Variants in PHF24 observed in about 807,000 individuals in gnomAD.
PHF24 encodes Galpha inhibitory interacting protein.
A neutral mutation model predicts 42.6 loss-of-function variants in PHF24; 25 were observed. That is an observed-to-expected ratio of 0.59 (90% CI 0.43 to 0.82). The LOEUF (loss-of-function observed/expected upper bound fraction) is 0.82. Among genes scored for constraint, PHF24 ranks in the 40% least tolerant of loss-of-function variants. PHF24 has a pLI of 0.00. For missense variants in PHF24, 470 were observed against 538.1 expected (o/e 0.87, Z 1.25); for synonymous variants, 185 against 204.8 (o/e 0.90, Z 0.83).
At chr9:34,785,311 T>C in the PHF24 span, among the ~76,000 whole-genome samples, 78,080 of 152,094 alleles carry the variant, frequency 0.51, 22,520 homozygotes, top group Non-Finnish European at 0.65. Context: ...CATTAATCCG[T>C]TCATGAGGGA....
chr9:34,850,176 G>T, the PHF24 span, among the ~76,000 whole-genome samples: 1 of 152,132 alleles, frequency 6.6e-6, no homozygotes, highest in East Asian at 1.9e-4. Flanking sequence ...AAGTTCTCCT[G>T]GATAATATCC....
chr9:34,951,953 G>A, the PHF24 span, among the ~76,000 whole-genome samples: 1 of 152,152 alleles, frequency 6.6e-6, no homozygotes, highest in Non-Finnish European at 1.5e-5. Context: ...CATATTTAAT[G>A]TTGAAAAACT....
At chr9:34,957,895 C>T (rs1263584136), upstream of PHF24, among the ~76,000 whole-genome samples, 9 of 152,074 alleles carry the variant, frequency 5.9e-5, no homozygotes, top group African/African-American at 1.4e-4. Flanking sequence ...GCGCCCCCTC[C>T]GGGCCGCCTC....
upstream of PHF24, among the ~76,000 whole-genome samples, chr9:34,952,936 TCAA>T: frequency 1.3e-5 from 2 of 152,342 alleles, no homozygotes; most frequent in South Asian, 2.1e-4. Context: ...ATCAGGAATT[TCAA>T]TCTATACCTC....
chr9:34,838,539 C>T, the PHF24 span: 16 of 1,248,480 alleles, frequency 1.3e-5, no homozygotes, highest in Admixed American at 3.1e-4. Context: ...TCTATCTCGG[C>T]ATTCAGGGTT....
the PHF24 span, among the ~76,000 whole-genome samples, chr9:34,783,404 T>C: frequency 6.6e-6 from 1 of 152,340 alleles, no homozygotes; most frequent in African/African-American, 2.4e-5. Context: ...TTAATTTCAA[T>C]TGTCTTCACA....
the PHF24 span, among the ~76,000 whole-genome samples, chr9:34,728,442 T>C: frequency 1.3e-5 from 2 of 152,212 alleles, no homozygotes; most frequent in Non-Finnish European, 2.9e-5. Flanking sequence ...TACAGGATTT[T>C]GGAACATTCT....
chr9:34,807,706 A>G, the PHF24 span, among the ~76,000 whole-genome samples: 27 of 152,308 alleles, frequency 1.8e-4, no homozygotes, highest in African/African-American at 6.0e-4. Flanking sequence ...ATAAAGGCAG[A>G]AGATCTATAT....
chr9:34,699,857 A>G, the PHF24 span, among the ~76,000 whole-genome samples: 4 of 152,240 alleles, frequency 2.6e-5, no homozygotes, highest in African/African-American at 4.8e-5. Context: ...ACAAACAATA[A>G]GCAAACAAGA....
At chr9:34,862,249 A>T in the PHF24 span, among the ~76,000 whole-genome samples, 2 of 152,174 alleles carry the variant, frequency 1.3e-5, no homozygotes, top group Non-Finnish European at 2.9e-5. Flanking sequence ...CTCTTAAGCA[A>T]ATTCTATTTC....
chr9:34,873,381 A>G, the PHF24 span, among the ~76,000 whole-genome samples: 1 of 151,974 alleles, frequency 6.6e-6, no homozygotes, highest in Non-Finnish European at 1.5e-5. Flanking sequence ...TAATTTTTGT[A>G]TAAGGTGTAA....
At chr9:34,731,004 C>A in the PHF24 span, among the ~76,000 whole-genome samples, 1 of 152,160 alleles carries the variant, frequency 6.6e-6, no homozygotes, top group Non-Finnish European at 1.5e-5. Flanking sequence ...ATCCCTAAGA[C>A]TATTTTTTTT....
At chr9:34,898,772 C>G in the PHF24 span, among the ~76,000 whole-genome samples, 1 of 152,190 alleles carries the variant, frequency 6.6e-6, no homozygotes, top group African/African-American at 2.4e-5. Flanking sequence ...AGCCTGACGT[C>G]TTGCACCCAG....
the PHF24 span, chr9:34,832,607 C>T: frequency 1.3e-6 from 2 of 1,543,044 alleles, no homozygotes; most frequent in Admixed American, 2.0e-5. Flanking sequence ...ACATGGAATC[C>T]TTGTGCCCTT....
chr9:34,768,804 A>G, the PHF24 span, among the ~76,000 whole-genome samples: 1 of 152,150 alleles, frequency 6.6e-6, no homozygotes, highest in Admixed American at 6.6e-5. Context: ...TGGTAAAATG[A>G]AAGTAAAACT....
chr9:34,879,165 C>T, the PHF24 span, among the ~76,000 whole-genome samples: 1 of 152,158 alleles, frequency 6.6e-6, no homozygotes, highest in Non-Finnish European at 1.5e-5. Flanking sequence ...AGAAGGAAAA[C>T]TAACAAACAG....
the PHF24 span, among the ~76,000 whole-genome samples, chr9:34,792,798 C>T: frequency 6.6e-6 from 1 of 152,144 alleles, no homozygotes; most frequent in African/African-American, 2.4e-5. Context: ...ATATTCTAAC[C>T]TTGTCCAGCT....
chr9:34,694,159 CTTTTTTTTTTTTTTT>C, the PHF24 span, among the ~76,000 whole-genome samples: 23 of 66,178 alleles, frequency 3.5e-4, no homozygotes, highest in East Asian at 4.3e-3. Flanking sequence ...TATCTCTATT[CTTTTTTTTTTTTTTT>C]TTTTTTTTTT....
At chr9:34,829,373 G>A in the PHF24 span, among the ~76,000 whole-genome samples, 1 of 152,142 alleles carries the variant, frequency 6.6e-6, no homozygotes, top group African/African-American at 2.4e-5. Flanking sequence ...ATGTTGATTA[G>A]GCAATTTGAA....
Sources: allele counts gnomAD v4.1 joint callset (sites outside exome capture counted in the v4.1 genomes callset), GRCh38; gene constraint gnomAD v4.1.1; transcripts MANE v1.5; gene names NCBI Gene and HGNC (gene_info 2026-07-23, HGNC 2026-07-21).